The following ZCCHC7 variants were observed in gnomAD, a reference collection of about 807,000 sequenced individuals.
ZCCHC7 encodes zinc finger CCHC domain-containing protein 7.
A neutral mutation model predicts 52.0 loss-of-function variants in ZCCHC7; 35 were observed. That is an observed-to-expected ratio of 0.67 (90% CI 0.51 to 0.89). The LOEUF is 0.89. Ranked by LOEUF, ZCCHC7 falls within the 40% of genes least tolerant of loss-of-function variation. ZCCHC7 has a pLI of 0.00. For synonymous variants in ZCCHC7, 217 were observed against 221.5 expected, an observed-to-expected ratio of 0.98 and a Z score of 0.18; for missense variants, 574 against 649.1, an observed-to-expected ratio of 0.88 and a Z score of 1.26.
chr9:37,350,872 T>C (rs970133698), intron 7 of ZCCHC7, among the ~76,000 whole-genome samples: 1 of 152,224 alleles, frequency 6.6e-6, no homozygotes, highest in Non-Finnish European at 1.5e-5. Context: ...AGTCTCCAGG[T>C]AGGCTTCTAG....
rs762990163 is a variant in ZCCHC7 at position 37,327,824 on chromosome 9, A to G, written c.977A>G (p.Tyr326Cys). Residue 326 changes from tyrosine to cysteine, a missense_variant, in exon 6 of 9, where the codon TAT becomes TGT. Physicochemically the swap from Tyr to Cys is radical, Grantham distance 194. Transcript: ENST00000336755. The stretch of plus-strand genomic sequence containing the variant: ...GCTTGCACAGAAATCTGGAGGCAGT[A>G]TCACCTAACGGTGAGTAGAAACACC... ...TDACTEIWRQ[Y>C]HLTTKPGPPK... The G allele has an allele frequency of 3.7e-6, 6 of 1,613,168 alleles. No homozygotes were observed. The highest frequency in any genetic ancestry group is 1.3e-5 in the African/African-American group (1 of 75,006).
chr9:37,152,298 G>A (rs935266893), intron 2 of ZCCHC7, among the ~76,000 whole-genome samples: 3 of 151,940 alleles, frequency 2.0e-5, no homozygotes, highest in African/African-American at 7.3e-5. Context: ...AGATAGTGCA[G>A]GGAGTTGTCA....
At chr9:37,344,479 A>G (rs978576639) in intron 6 of ZCCHC7, among the ~76,000 whole-genome samples, 1 of 152,144 alleles carries the variant, frequency 6.6e-6, no homozygotes, top group African/African-American at 2.4e-5. Flanking sequence ...CCAAATTTAC[A>G]GGTATTTTTT....
chr9:37,220,426 C>G (rs1231646816), intron 2 of ZCCHC7, among the ~76,000 whole-genome samples: 1 of 152,126 alleles, frequency 6.6e-6, no homozygotes, highest in Non-Finnish European at 1.5e-5. Context: ...TCTGTAATCC[C>G]AGCTACTTGG....
chr9:37,187,055 G>C (rs1822700954), intron 2 of ZCCHC7: 1 of 179,170 alleles, frequency 5.6e-6, no homozygotes, highest in African/African-American at 2.3e-5. Context: ...TATTTTACTG[G>C]CATAAAATGT....
At position 37,223,596 on chromosome 9, in the gene ZCCHC7, AATG is replaced by A. The variant is rs566220815; in HGVS notation, c.611-78589_611-78587del. Among the ~76,000 whole-genome samples, 246 of 152,288 alleles carry A rather than the reference AATG, an allele frequency of 1.6e-3. 1 individual carries two copies. Among genetic ancestry groups the A allele is most frequent in the African/African-American group, 5.7e-3 (236 of 41,566 alleles). On this transcript the variant is annotated intron_variant, in intron 2 of 8. Coordinates refer to ENST00000336755, the MANE Select transcript of ZCCHC7 (RefSeq NM_032226.3). ...GTTGCACAACATTGTGAGTATAATT[AATG>A]ATACTGAGTTGTACATTTTAAAACG...
At chr9:37,183,231 A>G (rs1822464025) in intron 2 of ZCCHC7, among the ~76,000 whole-genome samples, 1 of 152,182 alleles carries the variant, frequency 6.6e-6, no homozygotes, top group African/African-American at 2.4e-5. Flanking sequence ...TTAATACATA[A>G]CAGTACATTG....
intron 2 of ZCCHC7, among the ~76,000 whole-genome samples, chr9:37,293,391 G>C (rs575196912): frequency 1.3e-5 from 2 of 152,308 alleles, no homozygotes; most frequent in East Asian, 1.9e-4. Context: ...AAAGAATGTA[G>C]CTTCCAGATT....
At chr9:37,269,877 G>A (rs1328111898) in intron 2 of ZCCHC7, among the ~76,000 whole-genome samples, 1 of 152,086 alleles carries the variant, frequency 6.6e-6, no homozygotes, top group Non-Finnish European at 1.5e-5. Flanking sequence ...GTGCATTTGA[G>A]GCACCTAGGC....
At chr9:37,122,994 C>T (rs1467464992) in intron 1 of ZCCHC7, among the ~76,000 whole-genome samples, 1 of 152,232 alleles carries the variant, frequency 6.6e-6, no homozygotes, top group African/African-American at 2.4e-5. Flanking sequence ...CTGAGAATCA[C>T]AGAAATGTGA....
At chr9:37,311,780 A>G (rs535268949) in intron 5 of ZCCHC7, among the ~76,000 whole-genome samples, 8 of 152,236 alleles carry the variant, frequency 5.3e-5, no homozygotes, top group Non-Finnish European at 2.9e-5. Context: ...TCACAGTGCA[A>G]AAGTTTATTT....
At chr9:37,322,196 T>C (rs1249518170) in intron 5 of ZCCHC7, 1 of 152,156 alleles carries the variant, frequency 6.6e-6, no homozygotes, top group Non-Finnish European at 1.5e-5. Flanking sequence ...GTTAGATGGT[T>C]CCCAGAATTA....
chr9:37,191,946 G>A (rs75549571), intron 2 of ZCCHC7, among the ~76,000 whole-genome samples: 3 of 152,250 alleles, frequency 2.0e-5, no homozygotes, highest in African/African-American at 4.8e-5. Flanking sequence ...GTAGAAAACC[G>A]CCTAACAGCA....
intron 2 of ZCCHC7, among the ~76,000 whole-genome samples, chr9:37,216,676 A>AAAAT (rs1019843888): frequency 1.4e-4 from 21 of 152,190 alleles, no homozygotes; most frequent in Admixed American, 5.9e-4. Flanking sequence ...CTCTGTCTCA[A>AAAAT]AAATAAATAA....
intron 2 of ZCCHC7, among the ~76,000 whole-genome samples, chr9:37,257,495 C>G (rs541030896): frequency 1.3e-5 from 2 of 152,202 alleles, no homozygotes; most frequent in East Asian, 3.9e-4. Flanking sequence ...TTCTAGTAAG[C>G]CAGATATGGA....
chr9:37,239,104 A>C lies in ZCCHC7; in HGVS notation c.611-63084A>C, dbSNP rs75328917. 1.1e-3 allele frequency among the ~76,000 whole-genome samples: 165 copies of C among 152,310 alleles called. 3 individuals are homozygous for C. In the East Asian group the frequency reaches 0.029, roughly 27 times the overall value. On this transcript the variant is annotated intron_variant, in intron 2 of 8. Transcript: ENST00000336755. ...TTATTAGAAAAAGCCAAAGGACTTA[A>C]AATGTTCCCTTACTTACACATAAAT...
intron 5 of ZCCHC7, among the ~76,000 whole-genome samples, chr9:37,318,506 A>C (rs1829919638): frequency 6.6e-6 from 1 of 151,848 alleles, no homozygotes; most frequent in Admixed American, 6.6e-5. Context: ...TTGAAATATA[A>C]ATAAGTTGCT....
chr9:37,316,913 A>G (rs1389428597), intron 5 of ZCCHC7, among the ~76,000 whole-genome samples: 3 of 150,618 alleles, frequency 2.0e-5, no homozygotes, highest in African/African-American at 7.4e-5. Context: ...AATTGCAGGC[A>G]TATATAAAGA....
intron 5 of ZCCHC7, among the ~76,000 whole-genome samples, chr9:37,319,283 G>T (rs1308714384): frequency 1.3e-5 from 2 of 151,964 alleles, no homozygotes; most frequent in South Asian, 2.1e-4. Flanking sequence ...TCTTCAGTTG[G>T]GTATGTGATT....
Sources: allele counts gnomAD v4.1 joint callset (sites outside exome capture counted in the v4.1 genomes callset), GRCh38; gene constraint gnomAD v4.1.1; transcripts MANE v1.5; gene names NCBI Gene and HGNC (gene_info 2026-07-23, HGNC 2026-07-21).